The following LRP1B variants were observed in gnomAD, a reference collection of about 807,000 sequenced individuals.
LRP1B encodes the protein LDL receptor related protein 1B, also known as low-density lipoprotein receptor-related protein 1B.
In LRP1B, 217 loss-of-function variants were observed where a neutral mutation model predicts 556.6. The ratio of observed to expected loss-of-function variants is 0.39; its 90% confidence interval spans 0.35 to 0.44. The LOEUF (loss-of-function observed/expected upper bound fraction) is 0.44. LRP1B is among the 20% of genes least tolerant of loss of function. The pLI is 1.00. For missense variants in LRP1B, 5,053 were observed against 5,620.8 expected (o/e 0.90, Z 3.23); for synonymous variants, 2,047 against 1,865.8 (o/e 1.10, Z -2.50).
chr2:141,838,329 C>G (rs1697359843), intron 1 of LRP1B, among the ~76,000 whole-genome samples: 1 of 152,112 alleles, frequency 6.6e-6, no homozygotes, highest in African/African-American at 2.4e-5. Flanking sequence ...CACTCCACTG[C>G]ATTAACCTGG....
chr2:141,417,765 T>C (rs1435795815), intron 3 of LRP1B, among the ~76,000 whole-genome samples: 2 of 151,456 alleles, frequency 1.3e-5, no homozygotes, highest in Non-Finnish European at 3.0e-5. Context: ...TCTATTTTTT[T>C]TTTTTTTTTT....
chr2:141,464,606 A>ATATATATATATATT lies in LRP1B; in HGVS notation c.343+15789_343+15790insAATATATATATATA. On this transcript the variant is annotated intron_variant, in intron 3 of 90. Coordinates refer to ENST00000389484, the MANE Select transcript of LRP1B (RefSeq NM_018557.3). Reference sequence around the variant, plus strand: ...TTTGTATATATATATATATATATATATTTTTTTAGTAGAGATGGGGTTTCA... The same window carrying ATATATATATATATT: ...TTTGTATATATATATATATATATATATATATATATATATTTTTTTTTAGTAGAGATGGGGTTTCA... Among the ~76,000 whole-genome samples the ATATATATATATATT allele has an allele frequency of 2.4e-4, 22 of 90,536 alleles. 1 individual carries two copies. The highest frequency in any genetic ancestry group is 1.3e-3 in the South Asian group (4 of 3,082). The allele number at this position is 90,536 out of a possible 152,430, so 59.4% of individuals were successfully genotyped here. A position where few individuals can be genotyped will look rare whatever the true frequency, so the allele number is the denominator to read the frequency against.
intron 1 of LRP1B, among the ~76,000 whole-genome samples, chr2:141,903,706 T>C (rs1039290642): frequency 3.3e-5 from 5 of 151,908 alleles, no homozygotes; most frequent in Non-Finnish European, 7.4e-5. Flanking sequence ...GTTTAAAGAA[T>C]AAATAGTTTT....
intron 2 of LRP1B, among the ~76,000 whole-genome samples, chr2:141,529,174 C>T (rs946960927): frequency 1.3e-5 from 2 of 152,150 alleles, no homozygotes; most frequent in African/African-American, 2.4e-5. Context: ...TGATAGAGAC[C>T]ATTAAAGATA....
intron 60 of LRP1B, among the ~76,000 whole-genome samples, chr2:140,465,963 C>T (rs1023086560): frequency 6.6e-6 from 1 of 151,886 alleles, no homozygotes; most frequent in Admixed American, 6.6e-5. Flanking sequence ...ATAAAATACC[C>T]TGTGAACTCT....
chr2:141,982,471 A>G (rs1296290289), intron 1 of LRP1B, among the ~76,000 whole-genome samples: 3 of 152,178 alleles, frequency 2.0e-5, no homozygotes, highest in Non-Finnish European at 4.4e-5. Context: ...TTCAGATGAT[A>G]TAAGCCCTAC....
At chr2:141,778,873 T>G (rs990220939) in intron 2 of LRP1B, among the ~76,000 whole-genome samples, 1 of 152,200 alleles carries the variant, frequency 6.6e-6, no homozygotes, top group African/African-American at 2.4e-5. Flanking sequence ...ATGCTTTCGC[T>G]GTTTAATGCT....
chr2:140,606,355 A>G (rs1450392612), intron 41 of LRP1B, among the ~76,000 whole-genome samples: 1 of 152,018 alleles, frequency 6.6e-6, no homozygotes, highest in Non-Finnish European at 1.5e-5. Flanking sequence ...ACAGCACATC[A>G]TTGAAAGAAG....
intron 35 of LRP1B, among the ~76,000 whole-genome samples, chr2:140,740,997 A>G (rs1256581744): frequency 6.6e-6 from 1 of 152,186 alleles, no homozygotes. Flanking sequence ...CATAATAGGT[A>G]TCTTCATGCC....
chr2:141,644,785 AAC>A (rs3039266), intron 2 of LRP1B, among the ~76,000 whole-genome samples: 7 of 147,808 alleles, frequency 4.7e-5, no homozygotes, highest in Non-Finnish European at 6.0e-5. Context: ...ACACACACAC[AAC>A]ACACACACAC....
At chr2:140,267,670 A>AC (rs1206296855) in intron 86 of LRP1B, among the ~76,000 whole-genome samples, 1 of 151,856 alleles carries the variant, frequency 6.6e-6, no homozygotes, top group Non-Finnish European at 1.5e-5. Flanking sequence ...ACTTGGTTGA[A>AC]CCCACGAATG....
rs1453591323 is a variant in LRP1B, at chr2:140,238,175, C to T, written c.13537G>A (p.Gly4513Ser). 1 of 1,603,786 alleles carries T rather than the reference C, an allele frequency of 6.2e-7. No individual in the cohort carries two copies. Among genetic ancestry groups the T allele is most frequent in the Non-Finnish European group, 8.5e-7 (1 of 1,173,780 alleles). The stretch of plus-strand genomic sequence containing the variant: ...ACCTTTGTTGGGTCTATCATAAAGC[C>T]AGGATCTAAAAGACCTCCATCGTTG... ...DHNDGGLLDP[G>S]FMIDPTKARY... The change falls in exon 89 of 91, where the codon GGC becomes AGC. Residue 4513 changes from glycine (G) to serine (S), a missense_variant. By Grantham distance (56) the Gly-to-Ser change is moderately conservative. Transcript: ENST00000389484.
intron 3 of LRP1B, among the ~76,000 whole-genome samples, chr2:141,447,307 C>A (rs1414519127): frequency 6.6e-6 from 1 of 151,940 alleles, no homozygotes; most frequent in African/African-American, 2.4e-5. Context: ...TAGTTAGCAA[C>A]TCCTCTGGCC....
intron 3 of LRP1B, among the ~76,000 whole-genome samples, chr2:141,449,001 A>ATCTT (rs1681306253): frequency 1.3e-5 from 2 of 152,356 alleles, no homozygotes; most frequent in African/African-American, 2.4e-5. Context: ...TGCTTTAAGA[A>ATCTT]TCTTTGTTAA....
At chr2:141,834,618 G>A (rs1405133833) in intron 1 of LRP1B, among the ~76,000 whole-genome samples, 2 of 152,000 alleles carry the variant, frequency 1.3e-5, no homozygotes, top group South Asian at 2.1e-4. Flanking sequence ...TTCTGAGATT[G>A]ATGTCCAAAA....
chr2:141,389,615 C>A (rs561746993), intron 3 of LRP1B, among the ~76,000 whole-genome samples: 1 of 151,594 alleles, frequency 6.6e-6, no homozygotes. Flanking sequence ...ACAACAACAA[C>A]AACAAAACAG....
intron 1 of LRP1B, among the ~76,000 whole-genome samples, chr2:141,977,470 G>A (rs1701918791): frequency 6.6e-6 from 1 of 152,096 alleles, no homozygotes; most frequent in Non-Finnish European, 1.5e-5. Context: ...GCTGAGGCAG[G>A]AGAATTGCTT....
At chr2:141,431,846 A>T (rs1680573340) in intron 3 of LRP1B, among the ~76,000 whole-genome samples, 1 of 152,134 alleles carries the variant, frequency 6.6e-6, no homozygotes, top group Admixed American at 6.6e-5. Flanking sequence ...ACTCATCTGT[A>T]AGTTCAAGTA....
intron 20 of LRP1B, among the ~76,000 whole-genome samples, chr2:140,936,725 T>G (rs573417695): frequency 6.6e-6 from 1 of 152,296 alleles, no homozygotes; most frequent in East Asian, 1.9e-4. Flanking sequence ...AAAATATTAT[T>G]CTAAAAGCTA....
Sources: allele counts gnomAD v4.1 joint callset (sites outside exome capture counted in the v4.1 genomes callset), GRCh38; gene constraint gnomAD v4.1.1; transcripts MANE v1.5; gene names NCBI Gene and HGNC (gene_info 2026-07-23, HGNC 2026-07-21).